Variants in VGLL4 observed in about 807,000 individuals in gnomAD.
VGLL4 encodes vestigial like family member 4.
A neutral mutation model predicts 21.0 loss-of-function variants in VGLL4; 7 were observed. The observed-to-expected ratio is 0.33, with a 90% CI of 0.19 to 0.63. VGLL4 has a LOEUF of 0.63. Among genes scored for constraint, VGLL4 ranks in the 20% least tolerant of loss-of-function variants. The pLI is 0.78. For synonymous variants in VGLL4, 222 were observed against 173.2 expected, an observed-to-expected ratio of 1.28 and a Z score of -2.21; for missense variants, 394 against 425.7, an observed-to-expected ratio of 0.93 and a Z score of 0.66.
At chr3:11,640,688 G>A (rs1284786183) in intron 1 of VGLL4, among the ~76,000 whole-genome samples, 2 of 152,124 alleles carry the variant, frequency 1.3e-5, no homozygotes, top group Admixed American at 6.6e-5. Flanking sequence ...TGGAGGGCAG[G>A]AGCCAGGAAG....
intron 2 of VGLL4, among the ~76,000 whole-genome samples, chr3:11,702,455 C>CAAAAAAAAAAAAA (rs56189603): frequency 4.2e-5 from 4 of 96,170 alleles, no homozygotes; most frequent in Non-Finnish European, 5.9e-5. Flanking sequence ...ACTAAAAATA[C>CAAAAAAAAAAAAA]AAAAAAAAAA....
At chr3:11,675,140 G>A (rs1207605418) in intron 2 of VGLL4, among the ~76,000 whole-genome samples, 2 of 152,134 alleles carry the variant, frequency 1.3e-5, no homozygotes, top group African/African-American at 2.4e-5. Context: ...TCAGGAGTTC[G>A]AGACCAGCCT....
intron 1 of VGLL4, among the ~76,000 whole-genome samples, chr3:11,631,088 C>T (rs576075362): frequency 1.3e-5 from 2 of 152,314 alleles, no homozygotes; most frequent in Admixed American, 1.3e-4. Flanking sequence ...GCATGAATCT[C>T]AGAAACACTA....
chr3:11,573,886 G>C (rs1176869475), intron 2 of VGLL4, among the ~76,000 whole-genome samples: 1 of 152,172 alleles, frequency 6.6e-6, no homozygotes, highest in Non-Finnish European at 1.5e-5. Flanking sequence ...GGTTATGAGG[G>C]CGTGCTCTAA....
intron 2 of VGLL4, among the ~76,000 whole-genome samples, chr3:11,586,436 T>C (rs955974797): frequency 1.3e-5 from 2 of 152,210 alleles, no homozygotes; most frequent in Admixed American, 6.5e-5. Flanking sequence ...ACAGGTAATA[T>C]GGTATACACT....
intron 1 of VGLL4, among the ~76,000 whole-genome samples, chr3:11,706,433 A>T (rs2076761767): frequency 6.6e-6 from 1 of 152,246 alleles, no homozygotes; most frequent in Non-Finnish European, 1.5e-5. Flanking sequence ...CTTGTTCGGA[A>T]ACTAAATTTT....
At chr3:11,591,706 A>G (rs927522409) in intron 2 of VGLL4, among the ~76,000 whole-genome samples, 6 of 152,226 alleles carry the variant, frequency 3.9e-5, no homozygotes, top group Admixed American at 6.5e-5. Context: ...TCCATTAGCA[A>G]AACACTTCCA....
intron 2 of VGLL4, among the ~76,000 whole-genome samples, chr3:11,571,802 G>T (rs899521367): frequency 6.6e-6 from 1 of 152,094 alleles, no homozygotes; most frequent in Admixed American, 6.5e-5. Context: ...TGTGGCTTGC[G>T]GTCCCAGCGT....
chr3:11,559,593 G>C (rs1388543449), intron 3 of VGLL4, 138 bp from the exon 4 acceptor site: 2 of 1,300,940 alleles, frequency 1.5e-6, no homozygotes, highest in African/African-American at 3.0e-5. Flanking sequence ...TTCAATACTG[G>C]AGTCCTGTTG....
At position 11,568,844 on chromosome 3, in the gene VGLL4, C is replaced by A. The variant is rs947075957; in HGVS notation, c.273-3825G>T. The A allele has an allele frequency of 1.6e-5, 22 of 1,390,630 alleles. No individual in the cohort carries two copies. Among genetic ancestry groups the A allele is most frequent in the Middle Eastern group, 5.4e-4 (2 of 3,712 alleles). The allele number at this position is 1,390,630 out of a possible 1,614,324, so 86.1% of individuals were successfully genotyped here. On this transcript the variant is annotated intron_variant, in intron 2 of 4. Coordinates refer to ENST00000430365, the MANE Select transcript of VGLL4 (RefSeq NM_001128219.3). This position sits in a 1 kb window ranked among gnomAD's most constrained non-coding sequence, Gnocchi z 5.9. ...ACACCCAAAGGACTCTGAGTGGCTC[C>A]GTGCCAGGCCTATCAGAGCCGCTGA...
intron 2 of VGLL4, among the ~76,000 whole-genome samples, chr3:11,570,459 C>A (rs558804662): frequency 8.5e-5 from 13 of 152,312 alleles, no homozygotes; most frequent in Admixed American, 8.5e-4. Context: ...GGACCCCGGT[C>A]CCTGGCTGGA....
At chr3:11,649,165 C>T (rs7646184) in intron 2 of VGLL4, among the ~76,000 whole-genome samples, 118,811 of 152,208 alleles carry the variant, frequency 0.78, 46,491 homozygotes, top group African/African-American at 0.82. Context: ...CAGACTATTA[C>T]GCAGCCATTA....
At chr3:11,603,475 T>C (rs565263521) in intron 1 of VGLL4, among the ~76,000 whole-genome samples, 1 of 152,362 alleles carries the variant, frequency 6.6e-6, no homozygotes, top group South Asian at 2.1e-4. Flanking sequence ...GCAGTGCTCA[T>C]CTTTATACCT....
At position 11,671,759 on chromosome 3, in the gene VGLL4, C is replaced by T. The variant is rs1021161570; in HGVS notation, c.64+31212G>A. Among the ~76,000 whole-genome samples the T allele has an allele frequency of 3.9e-5, 6 of 152,028 alleles. No homozygotes were observed. The East Asian group carries it at 5.8e-4, about 15-fold the overall frequency. On this transcript the variant is annotated intron_variant, in intron 2 of 5. Coordinates refer to the VGLL4 transcript ENST00000273038. ...AATAACTTCAACTGGGAAAATTCCA[C>T]GAAGCCAGACCCTGGGCTCAAAGCC...
chr3:11,685,292 A>G (rs142058386), intron 2 of VGLL4, among the ~76,000 whole-genome samples: 1,507 of 148,958 alleles, frequency 0.01, 25 homozygotes, highest in African/African-American at 0.035. Flanking sequence ...TCTGCCTCCC[A>G]GGTTCAGGCA....
intron 1 of VGLL4, among the ~76,000 whole-genome samples, chr3:11,622,102 T>A (rs771913911): frequency 6.6e-6 from 1 of 152,206 alleles, no homozygotes; most frequent in Non-Finnish European, 1.5e-5. Context: ...GTCTTTTCCT[T>A]CAAATCTATT....
intron 2 of VGLL4, among the ~76,000 whole-genome samples, chr3:11,658,940 G>T (rs1220990952): frequency 6.6e-6 from 1 of 152,042 alleles, no homozygotes; most frequent in Non-Finnish European, 1.5e-5. Context: ...TCCAACATAG[G>T]TACCTAACAC....
chr3:11,653,770 C>A lies in VGLL4; in HGVS notation c.64+49201G>T, dbSNP rs2075914470. 6.6e-6 allele frequency among the ~76,000 whole-genome samples: 1 copy of A among 152,204 alleles called. No individual in the cohort carries two copies. The highest frequency in any genetic ancestry group is 2.4e-5 in the African/African-American group (1 of 41,452). On this transcript the variant is annotated intron_variant, in intron 2 of 5. Transcript: ENST00000273038. This position sits in a 1 kb window ranked among gnomAD's most constrained non-coding sequence, Gnocchi z 4.2. Reference sequence around the variant, plus strand: ...TATGAGATTTCAAGTTGCTCCCCATCCTTGCCAACAGTTTTCCAACTCTTT... The same window carrying A: ...TATGAGATTTCAAGTTGCTCCCCATACTTGCCAACAGTTTTCCAACTCTTT...
chr3:11,571,514 T>A (rs1291707442), intron 2 of VGLL4, among the ~76,000 whole-genome samples: 1 of 151,682 alleles, frequency 6.6e-6, no homozygotes, highest in Non-Finnish European at 1.5e-5. Flanking sequence ...CAAAACCCCG[T>A]CTCTACAAAA....
Sources: gnomAD v4.1 joint callset for allele counts (sites outside exome capture counted in the v4.1 genomes callset) on GRCh38, gnomAD v4.1.1 for gene constraint, Gnocchi (gnomAD v3.1) non-coding constraint, MANE v1.5 for transcripts, NCBI Gene and HGNC (gene_info 2026-07-23, HGNC 2026-07-21) for gene names.